TSC2: variants seen among roughly 807,000 people sequenced by gnomAD.
TSC2 encodes the protein TSC complex subunit 2, also known as tuberin.
Under a neutral mutation model 202.2 loss-of-function variants are expected in TSC2, and 29 were observed. The observed-to-expected ratio is 0.14, with a 90% CI of 0.11 to 0.20. TSC2 has a LOEUF of 0.20. TSC2 is among the 10% of genes least tolerant of loss of function. TSC2 has a pLI of 1.00. For synonymous variants in TSC2, 1,349 were observed against 1,044.0 expected (o/e 1.29, Z -5.63); for missense variants, 2,429 against 2,420.0 (o/e 1.00, Z -0.08).
chr16:2,070,793 G>A (rs187168642), intron 17 of TSC2, among the ~76,000 whole-genome samples: 74 of 152,334 alleles, frequency 4.9e-4, no homozygotes, highest in Non-Finnish European at 8.5e-4. Context: ...GCTCTAAGCC[G>A]CACGGTGACA....
chr16:2,074,773 C>T (rs1329036927), intron 22 of TSC2: 3 of 349,944 alleles, frequency 8.6e-6, no homozygotes, highest in Admixed American at 3.9e-5. Flanking sequence ...ACCGCCTGTG[C>T]GCATCTGGGC....
In TSC2 at chr16:2,064,332, C is replaced by T. The variant is rs1567437505; in HGVS notation, c.1504C>T (p.His502Tyr). ...QLSHIPEDKD[H>Y]QVRKLATQLL... is the part of the protein sequence containing the mutation. The stretch of plus-strand genomic sequence containing the variant: ...CTCCCACATCCCCGAGGATAAAGAC[C>T]ACCAGGTCCGAAAGCTGGCCACCCA... Residue 502 changes from histidine to tyrosine, a missense_variant, in exon 15 of 42, where the codon CAC becomes TAC. By Grantham distance (83) the His-to-Tyr change is moderately conservative (BLOSUM62 2). Coordinates refer to ENST00000219476, the MANE Select transcript of TSC2 (RefSeq NM_000548.5). The T allele has an allele frequency of 6.2e-7, 1 of 1,613,724 alleles. No individual in the cohort carries two copies. The highest frequency in any genetic ancestry group is 1.3e-5 in the African/African-American group (1 of 74,938).
rs767569278 is a variant in TSC2, at chr16:2,075,923, C to T, written c.2639+31C>T. ...TGGTCGCCCCAGGCCCTGTGCCTCCCAGCCGTGGCCCCCGCTAGGCCTTGC... is the reference window on the plus strand; with the variant it reads ...TGGTCGCCCCAGGCCCTGTGCCTCCTAGCCGTGGCCCCCGCTAGGCCTTGC... On this transcript the variant is annotated intron_variant, in intron 23 of 41. Transcript: ENST00000219476. 9 of 1,612,606 alleles carry T rather than the reference C, an allele frequency of 5.6e-6. No homozygotes were observed. The East Asian group carries it at 1.3e-4, about 24-fold the overall frequency.
chr16:2,075,471 G>A (rs2089171732), intron 22 of TSC2, among the ~76,000 whole-genome samples: 2 of 146,418 alleles, frequency 1.4e-5, no homozygotes, highest in South Asian at 4.3e-4. Flanking sequence ...AGCTTGCAGT[G>A]AGCCGGGATC....
At chr16:2,073,060 T>C in intron 21 of TSC2, 77 bp downstream of exon 21, 1 of 1,604,242 alleles carries the variant, frequency 6.2e-7, no homozygotes. Flanking sequence ...GCCCCACATT[T>C]TTCTCATAAA....
intron 13 of TSC2, 96 bp from the exon 14 acceptor site, chr16:2,062,876 G>T: frequency 7.2e-7 from 1 of 1,388,370 alleles, no homozygotes; most frequent in South Asian, 1.2e-5. Flanking sequence ...GCCGCGGGAG[G>T]ACCCAGAGTC....
At chr16:2,056,855 G>A (rs2085914327) in intron 8 of TSC2, 86 bp downstream of exon 8, 2 of 1,586,094 alleles carry the variant, frequency 1.3e-6, no homozygotes, top group Non-Finnish European at 1.7e-6. Flanking sequence ...ATGGTTGTCT[G>A]ATTCTTGGGG....
intron 25 of TSC2, 114 bp downstream of exon 25, chr16:2,076,699 T>C: frequency 9.2e-7 from 1 of 1,092,526 alleles, no homozygotes; most frequent in Non-Finnish European, 1.3e-6. Context: ...CTGTGTGCCC[T>C]GGAGTATGTG....
intron 7 of TSC2, 125 bp downstream of exon 7, chr16:2,056,369 C>T (rs1483074386): frequency 7.2e-7 from 1 of 1,382,864 alleles, no homozygotes; most frequent in Non-Finnish European, 1.0e-6. Context: ...CTCGGTCTCT[C>T]TGAGCCTCAG....
chr16:2,048,093 G>A (rs1239323713), intron 1 of TSC2, 28 bp downstream of exon 1: 9 of 1,442,286 alleles, frequency 6.2e-6, no homozygotes, highest in Non-Finnish European at 6.4e-6. Context: ...CGGGGCAAGT[G>A]GCGGTCCCCA....
intron 14 of TSC2, 177 bp from the exon 15 acceptor site, chr16:2,064,095 A>C: frequency 6.3e-6 from 6 of 959,804 alleles, no homozygotes; most frequent in Non-Finnish European, 9.8e-6. Context: ...GATCCCTGGA[A>C]GGGGCCCCGG....
chr16:2,068,420 T>G (rs1447703546), intron 16 of TSC2: 4 of 152,226 alleles, frequency 2.6e-5, no homozygotes, highest in Non-Finnish European at 5.9e-5. Context: ...CCAGCCCCTG[T>G]GCAGGTGAAA....
intron 30 of TSC2, chr16:2,080,745 A>G: frequency 3.7e-6 from 1 of 268,500 alleles, no homozygotes; most frequent in Admixed American, 4.9e-5. Flanking sequence ...TGGCCTCCCA[A>G]AGTGCTGGGA....
chr16:2,085,063 T>C (rs776321464), intron 35 of TSC2, 37 bp downstream of exon 35: 8 of 1,609,018 alleles, frequency 5.0e-6, no homozygotes, highest in Non-Finnish European at 6.0e-6. Context: ...CCGCTGGAGC[T>C]GTGTGGCTCG....
At position 2,081,946 on chromosome 16, in the gene TSC2, T is replaced by G. The variant is rs543087140; in HGVS notation, c.3814+148T>G. 1.9e-5 allele frequency: 23 copies of G among 1,185,524 alleles called. No homozygotes were observed. The Admixed American group carries it at 4.4e-4, about 23-fold the overall frequency. 73.4% of individuals were successfully genotyped at this position (1,185,524 alleles called of 1,614,324 possible). A position where few individuals can be genotyped will look rare whatever the true frequency, so the allele number is the denominator to read the frequency against. ...CTCAGCACCATTGTTCTCCGGTGTT[T>G]GGGAGGAGGCTGACCCGTGGGAGGT... On this transcript the variant is annotated intron_variant, in intron 31 of 41. Transcript: ENST00000219476.
At chr16:2,086,439 A>T (rs2090803044) in intron 37 of TSC2, 60 bp downstream of exon 37, 1 of 1,582,220 alleles carries the variant, frequency 6.3e-7, no homozygotes, top group South Asian at 1.1e-5. Flanking sequence ...GCTCCCATCC[A>T]GTCCTGCTAC....
intron 17 of TSC2, 63 bp downstream of exon 17, chr16:2,070,641 A>C: frequency 6.2e-7 from 1 of 1,610,012 alleles, no homozygotes; most frequent in Non-Finnish European, 8.5e-7. Context: ...CCGTCTCGGC[A>C]GGTGTGGTTC....
Position 2,072,063 on chromosome 16 carries a change from C to A in TSC2, c.2097+129C>A, listed in dbSNP as rs1328532446. 4.7e-6 allele frequency: 7 copies of A among 1,478,988 alleles called. No homozygotes were observed. In the Admixed American group the frequency reaches 8.7e-5, roughly 18 times the overall value. 91.6% of individuals were successfully genotyped at this position (1,478,988 alleles called of 1,614,324 possible). On this transcript the variant is annotated intron_variant, in intron 19 of 41. Transcript: ENST00000219476. ...CAGCCCTCCCTCAGAGCTGAGCCTT[C>A]CCCCTTCCCCGAGCAGCTGCAGGGA... is the stretch of plus-strand genomic sequence containing the variant.
At position 2,048,899 on chromosome 16, in the gene TSC2, C is replaced by T. The variant is rs1306846981; in HGVS notation, c.138+146C>T. ...CTCCAGTACTTGGAGGCCGACATGT[C>T]CTTCCTCAGGAGACTTCGAAAGTCA... is the stretch of plus-strand genomic sequence containing the variant. On this transcript the variant is annotated intron_variant, in intron 2 of 41. Transcript: ENST00000219476. The T allele has an allele frequency of 2.5e-6, 3 of 1,189,496 alleles. No homozygotes were observed. The African/African-American group carries it at 4.5e-5, about 18-fold the overall frequency. The allele number at this position is 1,189,496 out of a possible 1,614,324, so 73.7% of individuals were successfully genotyped here.
Sources: allele counts gnomAD v4.1 joint callset (sites outside exome capture counted in the v4.1 genomes callset), GRCh38; gene constraint gnomAD v4.1.1; transcripts MANE v1.5; gene names NCBI Gene and HGNC (gene_info 2026-07-23, HGNC 2026-07-21).